Variants in PKNOX1 observed in about 807,000 individuals in gnomAD.
The protein encoded by PKNOX1 is PBX/knotted 1 homeobox 1.
PKNOX1 carries 15 observed loss-of-function variants against 51.9 expected under a neutral mutation model. The ratio of observed to expected loss-of-function variants is 0.29; its 90% confidence interval spans 0.19 to 0.45. The LOEUF is 0.45. PKNOX1 is among the 20% of genes least tolerant of loss of function. The pLI is 1.00. For synonymous variants in PKNOX1, 219 were observed against 211.1 expected, an observed-to-expected ratio of 1.04 and a Z score of -0.32; for missense variants, 462 against 547.5, an observed-to-expected ratio of 0.84 and a Z score of 1.56.
chr21:43,008,793 T>A (rs561491903), intron 3 of PKNOX1, among the ~76,000 whole-genome samples: 61 of 143,208 alleles, frequency 4.3e-4, no homozygotes, highest in Non-Finnish European at 7.0e-4. Context: ...AAAAAAAAAA[T>A]TTTTTTTTAA....
intron 1 of PKNOX1, among the ~76,000 whole-genome samples, chr21:42,978,486 C>CTTT (rs200084508): frequency 3.2e-5 from 4 of 124,890 alleles, no homozygotes; most frequent in Non-Finnish European, 5.1e-5. Flanking sequence ...CTTTTCTTTT[C>CTTT]TTTTTTTTTT....
chr21:43,009,969 G>A, intron 3 of PKNOX1, 84 bp from the exon 4 acceptor site: 1 of 750,038 alleles, frequency 1.3e-6, no homozygotes, highest in Non-Finnish European at 2.1e-6. Flanking sequence ...AGAGGTGTTA[G>A]TGAAGTAGTG....
chr21:43,012,495 G>C (rs966595093), intron 4 of PKNOX1, among the ~76,000 whole-genome samples: 1 of 152,238 alleles, frequency 6.6e-6, no homozygotes, highest in African/African-American at 2.4e-5. Flanking sequence ...AGAAGGCAGA[G>C]GTTGTAGTGA....
chr21:42,994,740 CTG>C (rs1239104375), intron 1 of PKNOX1, among the ~76,000 whole-genome samples: 1 of 152,028 alleles, frequency 6.6e-6, no homozygotes, highest in African/African-American at 2.4e-5. Flanking sequence ...GATATTTATG[CTG>C]TGAGCTTATA....
chr21:42,985,525 G>A (rs1330396428), intron 1 of PKNOX1, among the ~76,000 whole-genome samples: 2 of 150,340 alleles, frequency 1.3e-5, no homozygotes, highest in Non-Finnish European at 3.0e-5. Context: ...AGTAGAGACG[G>A]GGTTTTGCCA....
At chr21:42,987,405 ATATATAT>A (rs1207830644) in intron 1 of PKNOX1, among the ~76,000 whole-genome samples, 17 of 70,134 alleles carry the variant, frequency 2.4e-4, no homozygotes, top group African/African-American at 7.6e-4. Context: ...AAAAAAAAAA[ATATATAT>A]ATATATATAT....
intron 1 of PKNOX1, among the ~76,000 whole-genome samples, chr21:42,980,845 A>T (rs1484485018): frequency 2.6e-5 from 4 of 152,130 alleles, no homozygotes; most frequent in Non-Finnish European, 5.9e-5. Context: ...CTGCCTTTGT[A>T]ATTGAAGGAG....
intron 8 of PKNOX1, chr21:43,024,620 C>G (rs1325044750): frequency 2.3e-6 from 1 of 432,168 alleles, no homozygotes; most frequent in Non-Finnish European, 4.1e-6. Flanking sequence ...CTGTTATCGT[C>G]ACCGCTGAAC....
intron 10 of PKNOX1, among the ~76,000 whole-genome samples, chr21:43,029,620 A>G (rs1452092501): frequency 6.6e-6 from 1 of 150,756 alleles, no homozygotes; most frequent in Non-Finnish European, 1.5e-5. Context: ...TTTAGTAGAG[A>G]CGGGGTTTCA....
chr21:43,028,449 C>CA (rs11394284), intron 9 of PKNOX1, among the ~76,000 whole-genome samples: 98,162 of 149,736 alleles, frequency 0.66, 32,324 homozygotes, highest in African/African-American at 0.76. Context: ...GGAGTTGAGA[C>CA]AAAAAAAAAA....
chr21:42,994,918 CTTTTTTTTTT>C (rs11361350), intron 1 of PKNOX1, among the ~76,000 whole-genome samples: 1 of 113,602 alleles, frequency 8.8e-6, no homozygotes, highest in Admixed American at 1.0e-4. Flanking sequence ...TTTCTTTCTT[CTTTTTTTTTT>C]TTTTTTTTTT....
chr21:43,009,108 A>G (rs1979126994), intron 3 of PKNOX1, among the ~76,000 whole-genome samples: 2 of 152,210 alleles, frequency 1.3e-5, no homozygotes, highest in Admixed American at 1.3e-4. Context: ...TTAGGTCAGG[A>G]GATCGAGACA....
Position 42,982,587 on chromosome 21 carries a change from C to T in PKNOX1, c.-57+7923C>T, listed in dbSNP as rs1033067722. On this transcript the variant is annotated intron_variant, in intron 1 of 10. Transcript: ENST00000291547. Reference sequence around the variant, plus strand: ...TCTACTAAAAATACAAAAAATTAGCCGGGTGTGGTGGTGCATGCCTGTAAT... The same window carrying T: ...TCTACTAAAAATACAAAAAATTAGCTGGGTGTGGTGGTGCATGCCTGTAAT... Among the ~76,000 whole-genome samples the T allele has an allele frequency of 7.3e-5, 11 of 151,394 alleles. No homozygotes were observed. In the South Asian group the frequency reaches 1.7e-3, roughly 23 times the overall value.
At chr21:43,003,591 C>T (rs1346051347) in intron 1 of PKNOX1, among the ~76,000 whole-genome samples, 3 of 152,302 alleles carry the variant, frequency 2.0e-5, no homozygotes, top group South Asian at 2.1e-4. Context: ...TCTGACCACA[C>T]GGCCCGGGAA....
chr21:43,020,742 G>A (rs983103294), intron 7 of PKNOX1, among the ~76,000 whole-genome samples: 11 of 152,060 alleles, frequency 7.2e-5, no homozygotes, highest in African/African-American at 1.7e-4. Flanking sequence ...ATCCCTTTTC[G>A]GCTAGGAAGT....
intron 4 of PKNOX1, among the ~76,000 whole-genome samples, chr21:43,012,285 C>T (rs1307935989): frequency 2.6e-5 from 4 of 152,290 alleles, no homozygotes; most frequent in Admixed American, 2.0e-4. Flanking sequence ...TTTGGCCAGG[C>T]GTGGTGGCTC....
intron 1 of PKNOX1, among the ~76,000 whole-genome samples, chr21:42,999,567 GC>G (rs1241225302): frequency 1.3e-5 from 2 of 151,912 alleles, no homozygotes; most frequent in Admixed American, 1.3e-4. Flanking sequence ...TGCAATCTCT[GC>G]CTCCTGGGTT....
chr21:43,015,452 A>G (rs1485685227), intron 5 of PKNOX1, among the ~76,000 whole-genome samples: 2 of 152,150 alleles, frequency 1.3e-5, no homozygotes, highest in African/African-American at 4.8e-5. Flanking sequence ...ATGGCACATA[A>G]TTCTTTTCAT....
intron 1 of PKNOX1, among the ~76,000 whole-genome samples, chr21:42,988,136 C>G (rs1332740541): frequency 6.6e-6 from 1 of 152,106 alleles, no homozygotes; most frequent in Admixed American, 6.6e-5. Flanking sequence ...TCACTGCAAC[C>G]TCTGCCTCCC....
Sources: gnomAD v4.1 joint callset for allele counts (sites outside exome capture counted in the v4.1 genomes callset) on GRCh38, gnomAD v4.1.1 for gene constraint, MANE v1.5 for transcripts, NCBI Gene and HGNC (gene_info 2026-07-23, HGNC 2026-07-21) for gene names.